The following CACNA2D3 variants were observed in gnomAD, a reference collection of about 807,000 sequenced individuals.
CACNA2D3 encodes calcium voltage-gated channel auxiliary subunit alpha2delta 3.
In CACNA2D3, 60 loss-of-function variants were observed where a neutral mutation model predicts 160.6. The observed-to-expected ratio is 0.37, with a 90% CI of 0.30 to 0.46. CACNA2D3 has a LOEUF of 0.46. Ranked by LOEUF, CACNA2D3 falls within the 20% of genes least tolerant of loss-of-function variation. CACNA2D3 has a pLI of 1.00. For synonymous variants in CACNA2D3, 558 were observed against 492.9 expected (o/e 1.13, Z -1.75); for missense variants, 1,205 against 1,365.0 (o/e 0.88, Z 1.85).
intron 2 of CACNA2D3, among the ~76,000 whole-genome samples, chr3:54,259,092 C>T (rs950403565): frequency 1.3e-5 from 2 of 152,188 alleles, no homozygotes; most frequent in Non-Finnish European, 2.9e-5. Context: ...TGGGCAGGGG[C>T]CCAGGCTTGG....
intron 4 of CACNA2D3, among the ~76,000 whole-genome samples, chr3:54,388,107 G>A (rs1468644965): frequency 1.3e-5 from 2 of 152,192 alleles, no homozygotes; most frequent in Non-Finnish European, 2.9e-5. Flanking sequence ...AAACCAACAT[G>A]CAGTGGTGTT....
intron 2 of CACNA2D3, among the ~76,000 whole-genome samples, chr3:54,277,581 T>C (rs896658634): frequency 6.6e-5 from 10 of 152,320 alleles, no homozygotes; most frequent in Admixed American, 4.6e-4. Context: ...AGCTTTGTTC[T>C]TTTTGCTTAG....
At chr3:55,071,602 G>T (rs971292002) in intron 35 of CACNA2D3, among the ~76,000 whole-genome samples, 4 of 151,988 alleles carry the variant, frequency 2.6e-5, no homozygotes, top group East Asian at 1.9e-4. Context: ...TTGAGCAACT[G>T]GTTTTATTCT....
intron 2 of CACNA2D3, among the ~76,000 whole-genome samples, chr3:54,140,960 G>C (rs1370621521): frequency 6.6e-6 from 1 of 152,250 alleles, no homozygotes; most frequent in East Asian, 1.9e-4. Context: ...AGGTCTGCCT[G>C]GTCCTCAGCC....
At chr3:54,765,980 G>A (rs1038497605) in intron 13 of CACNA2D3, among the ~76,000 whole-genome samples, 4 of 152,156 alleles carry the variant, frequency 2.6e-5, no homozygotes, top group African/African-American at 7.2e-5. Flanking sequence ...TGGATCAGAC[G>A]TCTAAATTGT....
intron 3 of CACNA2D3, among the ~76,000 whole-genome samples, chr3:54,323,074 G>A (rs1282425256): frequency 2.6e-5 from 4 of 152,168 alleles, no homozygotes; most frequent in South Asian, 2.1e-4. Context: ...TGTATGTCAC[G>A]TAGGGGTTTA....
intron 11 of CACNA2D3, among the ~76,000 whole-genome samples, chr3:54,658,188 G>T (rs1699907429): frequency 6.6e-6 from 1 of 152,144 alleles, no homozygotes. Flanking sequence ...ATTTTCTTTG[G>T]ACATATACCA....
At chr3:54,739,763 G>A (rs1232269461) in intron 11 of CACNA2D3, among the ~76,000 whole-genome samples, 75 of 51,982 alleles carry the variant, frequency 1.4e-3, no homozygotes, top group Middle Eastern at 9.8e-3. Context: ...GTGTGTGTGT[G>A]TGTGTGTGTG....
chr3:54,628,590 A>T (rs1363534260), intron 10 of CACNA2D3, among the ~76,000 whole-genome samples: 4 of 151,462 alleles, frequency 2.6e-5, no homozygotes, highest in Non-Finnish European at 5.9e-5. Context: ...CAGGGAGGCC[A>T]TTAAGTTATC....
chr3:54,807,258 T>G (rs1381951022), intron 13 of CACNA2D3, among the ~76,000 whole-genome samples: 1 of 151,864 alleles, frequency 6.6e-6, no homozygotes, highest in African/African-American at 2.4e-5. Flanking sequence ...ACCATCAGAG[T>G]GAACAGGCGA....
At chr3:54,561,842 A>G (rs543206059) in intron 5 of CACNA2D3, among the ~76,000 whole-genome samples, 71 of 152,294 alleles carry the variant, frequency 4.7e-4, no homozygotes, top group African/African-American at 1.7e-3. Context: ...TAAAGGAAAG[A>G]GGTTTAACTG....
At chr3:54,840,403 C>CTTTTTTTTT (rs1174129020) in intron 16 of CACNA2D3, among the ~76,000 whole-genome samples, 1 of 73,454 alleles carries the variant, frequency 1.4e-5, no homozygotes. Flanking sequence ...AGAACCATGT[C>CTTTTTTTTT]TTTTTTTTTT....
chr3:55,053,873 G>C (rs1461999416), intron 35 of CACNA2D3, among the ~76,000 whole-genome samples: 3 of 151,882 alleles, frequency 2.0e-5, no homozygotes, highest in Non-Finnish European at 2.9e-5. Context: ...TAAGGTAAAA[G>C]CATTTGGTCA....
intron 2 of CACNA2D3, among the ~76,000 whole-genome samples, chr3:54,130,142 C>T (rs953602542): frequency 1.3e-5 from 2 of 152,224 alleles, no homozygotes; most frequent in South Asian, 4.1e-4. Flanking sequence ...CAGGATGTGG[C>T]AGCAGAGCCT....
At chr3:54,542,060 T>C (rs1701989593) in intron 5 of CACNA2D3, among the ~76,000 whole-genome samples, 1 of 151,604 alleles carries the variant, frequency 6.6e-6, no homozygotes, top group Admixed American at 6.6e-5. Context: ...GTTTTTTTTG[T>C]TGTTGTTGTT....
At chr3:54,626,138 A>T (rs894190665) in intron 9 of CACNA2D3, 1 of 639,270 alleles carries the variant, frequency 1.6e-6, no homozygotes, top group Non-Finnish European at 2.8e-6. Flanking sequence ...AATCCATTTC[A>T]ATAGAAAAAG....
intron 6 of CACNA2D3, among the ~76,000 whole-genome samples, chr3:54,567,694 C>G (rs1702430903): frequency 2.6e-5 from 4 of 152,194 alleles, no homozygotes; most frequent in Admixed American, 2.6e-4. Context: ...TGCCACCACA[C>G]CTGGCTAATT....
At chr3:54,639,305 G>A (rs1352758839) in intron 10 of CACNA2D3, 4 of 151,924 alleles carry the variant, frequency 2.6e-5, no homozygotes, top group South Asian at 2.1e-4. Flanking sequence ...CCAGGAAAGC[G>A]GGACTTGCCG....
intron 2 of CACNA2D3, among the ~76,000 whole-genome samples, chr3:54,140,619 G>C (rs896934642): frequency 6.6e-6 from 1 of 152,222 alleles, no homozygotes; most frequent in African/African-American, 2.4e-5. Flanking sequence ...TTCGTGTTCA[G>C]ACAGCCCTGG....
Sources: allele counts gnomAD v4.1 joint callset (sites outside exome capture counted in the v4.1 genomes callset), GRCh38; gene constraint gnomAD v4.1.1; transcripts MANE v1.5; gene names NCBI Gene and HGNC (gene_info 2026-07-23, HGNC 2026-07-21).